Variants in TET2 observed in about 807,000 individuals in gnomAD.
TET2 encodes methylcytosine dioxygenase TET2.
A neutral mutation model predicts 142.9 loss-of-function variants in TET2; 299 were observed. That is an observed-to-expected ratio of 2.09 (90% CI 1.90 to 2.30). TET2 has a LOEUF of 2.30. Among genes scored for constraint, TET2 ranks in the 30% most tolerant of loss-of-function variants. The probability of loss-of-function intolerance (pLI) is 0.00; values close to 1 mark genes in which losing one functional copy is unlikely to be tolerated. For missense variants in TET2, 2,418 were observed against 2,378.0 expected, an observed-to-expected ratio of 1.02 and a Z score of -0.35; for synonymous variants, 819 against 849.0, an observed-to-expected ratio of 0.96 and a Z score of 0.61.
At chr4:105,263,720 A>G (rs1046610178) in intron 8 of TET2, among the ~76,000 whole-genome samples, 7 of 152,154 alleles carry the variant, frequency 4.6e-5, no homozygotes, top group African/African-American at 1.7e-4. Flanking sequence ...TAGGAATGAA[A>G]GGAGGTTTTC....
At chr4:105,149,067 T>G (rs1723175022) in intron 1 of TET2, among the ~76,000 whole-genome samples, 1 of 152,160 alleles carries the variant, frequency 6.6e-6, no homozygotes, top group Non-Finnish European at 1.5e-5. Context: ...AAACAAAAAT[T>G]AGGATTTTAC....
intron 2 of TET2, among the ~76,000 whole-genome samples, chr4:105,222,383 C>T (rs1338068723): frequency 1.3e-5 from 2 of 152,184 alleles, no homozygotes; most frequent in African/African-American, 2.4e-5. Flanking sequence ...CTTGTTGTGT[C>T]CTCACTTTTT....
intron 1 of TET2, among the ~76,000 whole-genome samples, chr4:105,166,021 T>C (rs1408952224): frequency 2.0e-5 from 3 of 152,192 alleles, no homozygotes; most frequent in Admixed American, 1.3e-4. Context: ...TTACTTCTTA[T>C]TGCTAAATTT....
chr4:105,215,625 T>C (rs1453838576), intron 2 of TET2, among the ~76,000 whole-genome samples: 1 of 152,170 alleles, frequency 6.6e-6, no homozygotes, highest in African/African-American at 2.4e-5. Context: ...ACAACATTTT[T>C]CCCAGCACTG....
chr4:105,243,963 T>G (rs1396391303), intron 6 of TET2, among the ~76,000 whole-genome samples, 185 bp downstream of exon 6: 1 of 152,206 alleles, frequency 6.6e-6, no homozygotes, highest in African/African-American at 2.4e-5. Flanking sequence ...ATGATTTCAT[T>G]ATCTGAATTG....
intron 3 of TET2, chr4:105,237,718 A>T: frequency 7.9e-7 from 1 of 1,268,802 alleles, no homozygotes; most frequent in African/African-American, 1.5e-5. Flanking sequence ...AAATGAGAAA[A>T]TAACGACCAT....
intron 2 of TET2, among the ~76,000 whole-genome samples, chr4:105,193,210 C>T (rs1725888870): frequency 6.6e-6 from 1 of 151,990 alleles, no homozygotes; most frequent in Admixed American, 6.6e-5. Context: ...GAATGACATC[C>T]CAGTGGAGAG....
In TET2 at chr4:105,236,638, A is replaced by G. The variant is rs763161917; in HGVS notation, c.2696A>G (p.Tyr899Cys). 7.4e-6 allele frequency: 12 copies of G among 1,614,000 alleles called. No homozygotes were observed. The highest frequency in any genetic ancestry group is 8.5e-6 in the Non-Finnish European group (10 of 1,180,028). Residue 899 changes from tyrosine (Y) to cysteine (C), a missense_variant, in exon 3 of 11, where the codon TAT becomes TGT. Transcript: ENST00000380013. ...CAACAAGCTTCAGTTCTACAGGGAT[A>G]TAAAAATAGAAACCAAGATATGTCT... ...KSQQASVLQGYKNRNQDMSGQ... is the reference protein window; with the variant it reads ...KSQQASVLQGCKNRNQDMSGQ...
chr4:105,241,600 C>T, intron 4 of TET2, 171 bp downstream of exon 4: 2 of 1,363,292 alleles, frequency 1.5e-6, no homozygotes, highest in African/African-American at 3.0e-5. Flanking sequence ...ACCAGAGAGT[C>T]ACAATATTTG....
At chr4:105,151,554 A>G (rs1447004131) in intron 1 of TET2, among the ~76,000 whole-genome samples, 1 of 151,800 alleles carries the variant, frequency 6.6e-6, no homozygotes, top group Non-Finnish European at 1.5e-5. Flanking sequence ...CTGCAGTTTT[A>G]AGAATTCAGA....
Position 105,243,748 on chromosome 4 carries a change from T to G in TET2, c.3773T>G (p.Leu1258Arg). The G allele has an allele frequency of 6.4e-7, 1 of 1,551,384 alleles. No individual in the cohort carries two copies. The highest frequency in any genetic ancestry group is 8.7e-7 in the Non-Finnish European group (1 of 1,146,860). ...GAGACGCTGAGGAAATACGGCACGC[T>G]CACCAATCGCCGGTGTGCCTTGAAT... The part of the protein sequence containing the change: ...LTETLRKYGT[L>R]TNRRCALNEE... The change falls in exon 6 of 11, where the codon CTC becomes CGC. Residue 1258 changes from leucine to arginine, a missense_variant. Transcript: ENST00000380013.
At chr4:105,230,615 G>C (rs1435201259) in intron 2 of TET2, among the ~76,000 whole-genome samples, 1 of 152,048 alleles carries the variant, frequency 6.6e-6, no homozygotes, top group Non-Finnish European at 1.5e-5. Flanking sequence ...AAATACTTAA[G>C]AGCCATTCAC....
chr4:105,273,822 A>G (rs1264552587), intron 10 of TET2, among the ~76,000 whole-genome samples: 2 of 152,202 alleles, frequency 1.3e-5, no homozygotes, highest in Non-Finnish European at 2.9e-5. Context: ...AAAATAGATT[A>G]CAGCTGTAGT....
At chr4:105,207,772 C>T (rs1726917087) in intron 2 of TET2, among the ~76,000 whole-genome samples, 1 of 152,140 alleles carries the variant, frequency 6.6e-6, no homozygotes, top group Non-Finnish European at 1.5e-5. Context: ...AGAATATTTT[C>T]ATATGCTTTC....
At chr4:105,221,989 T>C (rs1191045517) in intron 2 of TET2, among the ~76,000 whole-genome samples, 1 of 148,400 alleles carries the variant, frequency 6.7e-6, no homozygotes, top group Non-Finnish European at 1.5e-5. Flanking sequence ...CTTGTGATAG[T>C]TTACTGAGAA....
chr4:105,161,269 AAGC>A (rs1434718482), intron 1 of TET2, among the ~76,000 whole-genome samples: 1 of 152,198 alleles, frequency 6.6e-6, no homozygotes, highest in Non-Finnish European at 1.5e-5. Context: ...TGCAGAGCAA[AAGC>A]AGCCTTCTGG....
intron 8 of TET2, among the ~76,000 whole-genome samples, chr4:105,266,540 T>C (rs1220501324): frequency 2.6e-5 from 4 of 152,124 alleles, no homozygotes; most frequent in Admixed American, 2.6e-4. Flanking sequence ...TCATATTTCA[T>C]ATGTTAAAAT....
chr4:105,256,380 ATACAGAATTCTTGGTT>A (rs1166399132), intron 6 of TET2, among the ~76,000 whole-genome samples: 1 of 152,154 alleles, frequency 6.6e-6, no homozygotes, highest in East Asian at 1.9e-4. Context: ...GTTTTGCAAA[ATACAGAATTCTTGGTT>A]GGCAGTCTTT....
chr4:105,199,039 G>C (rs182822077), intron 2 of TET2, among the ~76,000 whole-genome samples: 84 of 152,234 alleles, frequency 5.5e-4, no homozygotes, highest in African/African-American at 2.0e-3. Context: ...TATGTTTAGT[G>C]TTCTAATTCC....
Sources: allele counts gnomAD v4.1 joint callset (sites outside exome capture counted in the v4.1 genomes callset), GRCh38; gene constraint gnomAD v4.1.1; transcripts MANE v1.5; gene names NCBI Gene and HGNC (gene_info 2026-07-23, HGNC 2026-07-21).